ZCCHC24: variants seen among roughly 807,000 people sequenced by gnomAD.
ZCCHC24 encodes zinc finger CCHC-type containing 24, also known as zinc finger CCHC domain-containing protein 24.
In ZCCHC24, 10 loss-of-function variants were observed where a neutral mutation model predicts 26.2. The observed-to-expected ratio is 0.38, with a 90% CI of 0.24 to 0.65. ZCCHC24 has a LOEUF of 0.65. ZCCHC24 is among the 30% of genes least tolerant of loss of function. The pLI, the probability that ZCCHC24 is intolerant of heterozygous loss-of-function variation, is 0.54. For missense variants in ZCCHC24, 243 were observed against 329.1 expected (o/e 0.74, Z 2.03); for synonymous variants, 144 against 147.1 (o/e 0.98, Z 0.15).
At chr10:79,437,373 C>T (rs531728010) in intron 1 of ZCCHC24, among the ~76,000 whole-genome samples, 2 of 152,282 alleles carry the variant, frequency 1.3e-5, no homozygotes, top group Admixed American at 1.3e-4. Flanking sequence ...TCTGATCATG[C>T]GGTGTGTCAT....
At chr10:79,403,594 C>T (rs1190979949) in intron 2 of ZCCHC24, 1 of 985,316 alleles carries the variant, frequency 1.0e-6, no homozygotes, top group Non-Finnish European at 1.2e-6. Flanking sequence ...CGGCAAGAGG[C>T]CACCCGGGGC....
At chr10:79,391,755 C>A (rs2132175608) in intron 3 of ZCCHC24, among the ~76,000 whole-genome samples, 1 of 151,932 alleles carries the variant, frequency 6.6e-6, no homozygotes, top group East Asian at 2.0e-4. Flanking sequence ...TCAGAGCTGT[C>A]TTACATCTCT....
intron 1 of ZCCHC24, among the ~76,000 whole-genome samples, chr10:79,437,620 G>A (rs148285332): frequency 2.6e-5 from 4 of 152,246 alleles, no homozygotes; most frequent in Non-Finnish European, 4.4e-5. Flanking sequence ...TGCCAGGTGC[G>A]GACCACTCTA....
At chr10:79,403,875 G>T (rs766362245) in intron 2 of ZCCHC24, among the ~76,000 whole-genome samples, 7 of 152,060 alleles carry the variant, frequency 4.6e-5, no homozygotes, top group Non-Finnish European at 1.0e-4. Flanking sequence ...CTGGGGAGGG[G>T]GGCATGGAGT....
At chr10:79,417,721 C>T (rs549710647) in intron 2 of ZCCHC24, among the ~76,000 whole-genome samples, 14 of 152,250 alleles carry the variant, frequency 9.2e-5, no homozygotes, top group African/African-American at 3.4e-4. Flanking sequence ...GCAAATGAGA[C>T]GAAGGTGCTC....
intron 2 of ZCCHC24, among the ~76,000 whole-genome samples, chr10:79,418,852 G>C (rs995929855): frequency 2.6e-5 from 4 of 152,220 alleles, no homozygotes; most frequent in Admixed American, 6.5e-5. Context: ...TTAGGGTTCA[G>C]AGAGGAGAGC....
intron 2 of ZCCHC24, among the ~76,000 whole-genome samples, chr10:79,423,314 T>G (rs2145992): frequency 0.94 from 143,266 of 151,874 alleles, 67,632 homozygotes; most frequent in East Asian, 1. Context: ...ACTTTGGGAG[T>G]CCGAGGCAGG....
chr10:79,416,848 T>C (rs369895770), intron 2 of ZCCHC24, among the ~76,000 whole-genome samples: 2 of 152,032 alleles, frequency 1.3e-5, no homozygotes, highest in Admixed American at 1.3e-4. Flanking sequence ...ATGAGAAGAT[T>C]AGAGGAGTCA....
chr10:79,444,785 C>T (rs747070385), intron 1 of ZCCHC24, among the ~76,000 whole-genome samples: 19 of 152,224 alleles, frequency 1.2e-4, no homozygotes, highest in Non-Finnish European at 2.6e-4. Flanking sequence ...TCCCAGCCCG[C>T]GGTGGCCAGG....
At chr10:79,419,664 GC>G (rs1856912927) in intron 2 of ZCCHC24, among the ~76,000 whole-genome samples, 1 of 152,196 alleles carries the variant, frequency 6.6e-6, no homozygotes, top group Non-Finnish European at 1.5e-5. Flanking sequence ...TTCAGAGGAG[GC>G]CAGTCCCTCT....
chr10:79,393,236 G>A (rs1050613941), intron 3 of ZCCHC24, among the ~76,000 whole-genome samples: 2 of 152,208 alleles, frequency 1.3e-5, no homozygotes, highest in African/African-American at 4.8e-5. Flanking sequence ...CAGAATTACA[G>A]ATCTAACTGC....
chr10:79,424,831 T>C (rs2132209451), intron 2 of ZCCHC24, among the ~76,000 whole-genome samples: 1 of 152,334 alleles, frequency 6.6e-6, no homozygotes, highest in East Asian at 1.9e-4. Flanking sequence ...ATTTACACGC[T>C]TGCTTGGAAG....
intron 2 of ZCCHC24, among the ~76,000 whole-genome samples, chr10:79,410,542 C>A (rs1365342083): frequency 6.6e-6 from 1 of 152,196 alleles, no homozygotes; most frequent in Non-Finnish European, 1.5e-5. Flanking sequence ...GGGGCTGGAG[C>A]AGCCTGTGCA....
rs776520831 is a variant in ZCCHC24 at position 79,386,359 on chromosome 10, G to A, written c.712C>T (p.Arg238Cys). 7 of 1,613,178 alleles carry A rather than the reference G, an allele frequency of 4.3e-6. No individual in the cohort carries two copies. Among genetic ancestry groups the A allele is most frequent in the African/African-American group, 1.3e-5 (1 of 74,944 alleles). The part of the protein sequence containing the change: ...EKCKVLGYYC[R>C]RVQ ...CGGGCAGCCCGTCACTGCACGCGACGGCAGTAGTAGCCCAGGACCTTGCAC... is the reference window on the plus strand; with the variant it reads ...CGGGCAGCCCGTCACTGCACGCGACAGCAGTAGTAGCCCAGGACCTTGCAC... The change falls in exon 4 of 4, where the codon CGT (arginine) becomes TGT (cysteine). Residue 238 changes from arginine to cysteine, a missense_variant. Physicochemically the swap from Arg to Cys is radical, Grantham distance 180. This residue lies in a region of ZCCHC24 where 96 missense variants were observed against 178.3 expected (regional missense o/e 0.54). Transcript: ENST00000372336.
intron 2 of ZCCHC24, among the ~76,000 whole-genome samples, chr10:79,420,412 C>T (rs866638820): frequency 2.6e-5 from 4 of 152,232 alleles, no homozygotes; most frequent in Non-Finnish European, 4.4e-5. Context: ...TGGATCCCCA[C>T]AGTGCTGAAG....
Position 79,383,284 on chromosome 10 carries a change from A to G in ZCCHC24, c.*3061T>C, listed in dbSNP as rs954149538. On this transcript the variant is annotated 3_prime_UTR_variant, in exon 4 of 4. Transcript: ENST00000372336. ...GAAAACAACACAGAAAAACAACAAT[A>G]TGGCTTAAAGAATTGCAAAGATTTT... The G allele has an allele frequency of 2.6e-5, 4 of 152,772 alleles. No individual in the cohort carries two copies. The highest frequency in any genetic ancestry group is 9.6e-5 in the African/African-American group (4 of 41,464). 9.5% of individuals were successfully genotyped at this position (152,772 alleles called of 1,614,324 possible).
At chr10:79,406,998 T>C (rs11598614) in intron 2 of ZCCHC24, among the ~76,000 whole-genome samples, 34,517 of 152,232 alleles carry the variant, frequency 0.23, 4,269 homozygotes, top group Middle Eastern at 0.4. Context: ...CAGTGGAAGC[T>C]GCACTTCCTC....
intron 1 of ZCCHC24, among the ~76,000 whole-genome samples, chr10:79,433,231 A>T (rs554877985): frequency 6.6e-6 from 1 of 152,206 alleles, no homozygotes; most frequent in South Asian, 2.1e-4. Flanking sequence ...CAGTTTCCCC[A>T]CCTTGTAAGG....
At chr10:79,434,844 T>G (rs1029616443) in intron 1 of ZCCHC24, among the ~76,000 whole-genome samples, 2 of 152,208 alleles carry the variant, frequency 1.3e-5, no homozygotes, top group African/African-American at 4.8e-5. Flanking sequence ...GCTCCAGAAC[T>G]TTTTCATCTT....
Sources: gnomAD v4.1 joint callset for allele counts (sites outside exome capture counted in the v4.1 genomes callset) on GRCh38, gnomAD v4.1.1 for gene constraint, gnomAD v4.1.1 regional missense constraint, MANE v1.5 for transcripts, NCBI Gene and HGNC (gene_info 2026-07-23, HGNC 2026-07-21) for gene names.